Variants in ANKS1B observed in about 807,000 individuals in gnomAD.
ANKS1B encodes ankyrin repeat and sterile alpha motif domain-containing protein 1B.
Under a neutral mutation model 148.3 loss-of-function variants are expected in ANKS1B, and 36 were observed. The observed-to-expected ratio is 0.24, with a 90% CI of 0.19 to 0.32. The LOEUF (loss-of-function observed/expected upper bound fraction) is 0.32, where lower values mean the gene tolerates loss of function less well. ANKS1B is among the 10% of genes least tolerant of loss of function. The pLI is 1.00. For synonymous variants in ANKS1B, 542 were observed against 560.8 expected (o/e 0.97, Z 0.47); for missense variants, 1,157 against 1,542.6 (o/e 0.75, Z 4.19).
At chr12:99,893,206 C>G (rs952687367) in intron 1 of ANKS1B, among the ~76,000 whole-genome samples, 1 of 151,910 alleles carries the variant, frequency 6.6e-6, no homozygotes, top group African/African-American at 2.4e-5. Context: ...GTCAGGAGAT[C>G]GAGACCATCC....
intron 12 of ANKS1B, among the ~76,000 whole-genome samples, chr12:99,247,348 G>T (rs1473773122): frequency 3.3e-5 from 5 of 152,062 alleles, no homozygotes; most frequent in Non-Finnish European, 2.9e-5. Flanking sequence ...TTGAAAAAAG[G>T]TATTATTAAA....
intron 9 of ANKS1B, among the ~76,000 whole-genome samples, chr12:99,614,466 G>C (rs1274594248): frequency 3.4e-5 from 5 of 146,784 alleles, no homozygotes; most frequent in Middle Eastern, 7.1e-3. Context: ...GAAGAGGAGG[G>C]GAGGGGAGGG....
At chr12:99,854,432 T>C (rs2153710275) in intron 1 of ANKS1B, among the ~76,000 whole-genome samples, 1 of 152,306 alleles carries the variant, frequency 6.6e-6, no homozygotes, top group East Asian at 1.9e-4. Context: ...TAATTGGTGT[T>C]CCCAAGGAAG....
intron 1 of ANKS1B, among the ~76,000 whole-genome samples, chr12:99,885,125 T>A (rs1278128932): frequency 6.6e-6 from 1 of 152,068 alleles, no homozygotes; most frequent in Admixed American, 6.6e-5. Flanking sequence ...ACATTCTATT[T>A]CTTCTGAAAT....
At chr12:99,086,762 G>A (rs1405096597) in intron 15 of ANKS1B, among the ~76,000 whole-genome samples, 4 of 152,080 alleles carry the variant, frequency 2.6e-5, no homozygotes, top group Admixed American at 6.6e-5. Flanking sequence ...AAATTGAGGC[G>A]TCTATAGAGG....
chr12:99,046,130 T>C (rs1278363077), intron 17 of ANKS1B, among the ~76,000 whole-genome samples: 1 of 152,204 alleles, frequency 6.6e-6, no homozygotes, highest in Non-Finnish European at 1.5e-5. Flanking sequence ...AGAAGGGTAT[T>C]GCCCTCGTGG....
chr12:99,908,304 G>A (rs1197048589), intron 1 of ANKS1B, among the ~76,000 whole-genome samples: 1 of 152,124 alleles, frequency 6.6e-6, no homozygotes, highest in East Asian at 1.9e-4. Context: ...AAGAGGCCAG[G>A]CATGGTGGCT....
chr12:98,747,100 C>T lies in ANKS1B; in HGVS notation c.3748-1251G>A, dbSNP rs557897139. Among the ~76,000 whole-genome samples, 29 of 152,144 alleles carry T rather than the reference C, an allele frequency of 1.9e-4. 1 individual carries two copies. In the South Asian group the frequency reaches 5.0e-3, roughly 26 times the overall value. On this transcript the variant is annotated intron_variant, in intron 26 of 26. Transcript: ENST00000683438. ...ATCAAGTGAAAAAGCTTCTGCACAG[C>T]GAAGGAAACAATCAACAAAGCGAAA...
chr12:99,925,632 A>G (rs1274975753), intron 1 of ANKS1B, among the ~76,000 whole-genome samples: 2 of 152,050 alleles, frequency 1.3e-5, no homozygotes, highest in Non-Finnish European at 2.9e-5. Context: ...CCCTACGAGC[A>G]TTTTCCTTTG....
intron 9 of ANKS1B, among the ~76,000 whole-genome samples, chr12:99,588,942 T>C (rs1461110103): frequency 6.6e-6 from 1 of 152,244 alleles, no homozygotes; most frequent in Non-Finnish European, 1.5e-5. Flanking sequence ...TTTTATTAAA[T>C]AACCTATCAG....
chr12:98,766,255 G>T (rs1469698100), intron 25 of ANKS1B, among the ~76,000 whole-genome samples: 1 of 152,210 alleles, frequency 6.6e-6, no homozygotes, highest in Non-Finnish European at 1.5e-5. Context: ...ACCCAGCACT[G>T]TTAATTTATC....
chr12:99,861,557 T>C (rs571142580), intron 1 of ANKS1B, among the ~76,000 whole-genome samples: 1 of 152,324 alleles, frequency 6.6e-6, no homozygotes, highest in East Asian at 1.9e-4. Context: ...TGGTTATATT[T>C]TTTTCAGATT....
intron 17 of ANKS1B, among the ~76,000 whole-genome samples, chr12:98,906,796 A>G (rs1038281853): frequency 9.3e-4 from 141 of 152,356 alleles, no homozygotes; most frequent in African/African-American, 3.2e-3. Flanking sequence ...ATAGCATTAA[A>G]TGTTTTTGAA....
intron 21 of ANKS1B, among the ~76,000 whole-genome samples, chr12:98,799,991 C>T (rs923497697): frequency 3.9e-5 from 6 of 152,192 alleles, no homozygotes; most frequent in Admixed American, 3.3e-4. Flanking sequence ...ATGGGAACCA[C>T]TCTTGTGGAC....
intron 15 of ANKS1B, among the ~76,000 whole-genome samples, chr12:99,136,651 T>G (rs1352863878): frequency 6.6e-6 from 1 of 152,048 alleles, no homozygotes; most frequent in East Asian, 1.9e-4. Context: ...AAAGCCAAAA[T>G]TAAGGGCATT....
chr12:98,882,262 C>T (rs1199049659), intron 17 of ANKS1B, among the ~76,000 whole-genome samples: 1 of 152,100 alleles, frequency 6.6e-6, no homozygotes, highest in African/African-American at 2.4e-5. Context: ...AGATACAGGG[C>T]TACAGTGCTT....
rs188182296 is a variant in ANKS1B at position 99,952,169 on chromosome 12, T to C, written c.134+31935A>G. Among the ~76,000 whole-genome samples, 425 of 152,286 alleles carry C rather than the reference T, an allele frequency of 2.8e-3. 4 individuals carry two copies. Among genetic ancestry groups the C allele is most frequent in the Non-Finnish European group, 4.9e-3 (336 of 68,008 alleles). On this transcript the variant is annotated intron_variant, in intron 1 of 26. Transcript: ENST00000683438. Reference sequence around the variant, plus strand: ...GATCAAATTGGGTCACATAACCAAGTCCAGAGTCAGTATGGAGGGCACCTG... The same window carrying C: ...GATCAAATTGGGTCACATAACCAAGCCCAGAGTCAGTATGGAGGGCACCTG...
At chr12:99,035,721 G>T (rs1274141803) in intron 17 of ANKS1B, among the ~76,000 whole-genome samples, 1 of 152,170 alleles carries the variant, frequency 6.6e-6, no homozygotes, top group East Asian at 1.9e-4. Context: ...TCCAGGCAGA[G>T]GGAAGAGCAA....
chr12:99,775,758 T>C (rs1002482746), intron 6 of ANKS1B, 97 bp from the exon 7 acceptor site: 2 of 639,296 alleles, frequency 3.1e-6, no homozygotes, highest in Non-Finnish European at 5.1e-6. Flanking sequence ...TTTTCATTTA[T>C]TTTTTCATAT....
Sources: allele counts gnomAD v4.1 joint callset (sites outside exome capture counted in the v4.1 genomes callset), GRCh38; gene constraint gnomAD v4.1.1; transcripts MANE v1.5; gene names NCBI Gene and HGNC (gene_info 2026-07-23, HGNC 2026-07-21).